Variants in PTPRB observed in about 807,000 individuals in gnomAD.
The protein encoded by PTPRB is receptor-type tyrosine-protein phosphatase beta.
Under a neutral mutation model 238.1 loss-of-function variants are expected in PTPRB, and 97 were observed. The ratio of observed to expected loss-of-function variants is 0.41; its 90% CI spans 0.35 to 0.48. The LOEUF is 0.48. PTPRB is among the 20% of genes least tolerant of loss of function. The probability of loss-of-function intolerance (pLI) is 0.30; values close to 1 mark genes in which losing one functional copy is unlikely to be tolerated. For synonymous variants in PTPRB, 970 were observed against 995.4 expected (o/e 0.97, Z 0.48); for missense variants, 2,292 against 2,681.9 (o/e 0.85, Z 3.21).
intron 10 of PTPRB, among the ~76,000 whole-genome samples, chr12:70,580,405 T>C (rs896382500): frequency 6.6e-6 from 1 of 152,246 alleles, no homozygotes; most frequent in Non-Finnish European, 1.5e-5. Context: ...GGGAGGTTTG[T>C]TTTGTTTTTT....
At position 70,541,837 on chromosome 12, in the gene PTPRB, T is replaced by TATCA. The variant is rs1256864705; in HGVS notation, c.5495-884_5495-881dup. 3 of 152,266 alleles carry TATCA rather than the reference T, an allele frequency of 2.0e-5. No individual in the cohort carries two copies. The East Asian group carries it at 5.8e-4, about 29-fold the overall frequency. 9.4% of individuals were successfully genotyped at this position (152,266 alleles called of 1,614,324 possible). On this transcript the variant is annotated intron_variant, in intron 22 of 33. Transcript: ENST00000334414. ...TGAATAATCGTCCATTGTATGGATA[T>TATCA]ATCACATTTTGTTTATCCATTGATG...
chr12:70,623,916 A>G (rs1161159292), intron 2 of PTPRB, among the ~76,000 whole-genome samples: 1 of 152,110 alleles, frequency 6.6e-6, no homozygotes, highest in African/African-American at 2.4e-5. Flanking sequence ...TTCGTATGAT[A>G]ATGGATGTAA....
chr12:70,591,539 T>C (rs1405175582), intron 7 of PTPRB, among the ~76,000 whole-genome samples: 1 of 152,240 alleles, frequency 6.6e-6, no homozygotes, highest in Non-Finnish European at 1.5e-5. Flanking sequence ...CAAATATCAA[T>C]ACAGTCACTA....
chr12:70,529,632 A>G (rs1872879299), intron 32 of PTPRB, among the ~76,000 whole-genome samples: 1 of 151,726 alleles, frequency 6.6e-6, no homozygotes, highest in East Asian at 1.9e-4. Context: ...GCTGAAGGAT[A>G]ATAATTAATA....
At chr12:70,614,631 T>A (rs1025867453) in intron 3 of PTPRB, among the ~76,000 whole-genome samples, 5 of 152,184 alleles carry the variant, frequency 3.3e-5, no homozygotes, top group Non-Finnish European at 7.3e-5. Context: ...TTAACACATG[T>A]TAGACATAAG....
rs2136186772 is a variant in PTPRB at position 70,519,561 on chromosome 12, T to A, written c.*1928A>T. On this transcript the variant is annotated 3_prime_UTR_variant, in exon 34 of 34. Transcript: ENST00000334414. Reference sequence around the variant, plus strand: ...GAATGAAAAGTCGAAAATGAATGTATCCTTCCAAGCATTAATGTGCTTTGC... The same window carrying A: ...GAATGAAAAGTCGAAAATGAATGTAACCTTCCAAGCATTAATGTGCTTTGC... 1 of 152,330 alleles carries A rather than the reference T, an allele frequency of 6.6e-6. No individual in the cohort carries two copies. The highest frequency in any genetic ancestry group is 6.5e-5 in the Admixed American group (1 of 15,298). The allele number at this position is 152,330 out of a possible 1,614,324, so 9.4% of individuals were successfully genotyped here. A position where few individuals can be genotyped will look rare whatever the true frequency, so the allele number is the denominator to read the frequency against.
chr12:70,564,851 A>C (rs1879045467), intron 15 of PTPRB, among the ~76,000 whole-genome samples: 1 of 48,710 alleles, frequency 2.1e-5, no homozygotes, highest in Non-Finnish European at 3.5e-5. Context: ...ATAAATAATA[A>C]TAATAATAAT....
At position 70,587,020 on chromosome 12, in the gene PTPRB, T is replaced by C. The variant is rs1210884904; in HGVS notation, c.2298A>G (p.Val766=). The change falls in exon 9 of 34, where the codon GTA becomes GTG. Residue 766 remains valine, a synonymous_variant. Transcript: ENST00000334414. Reference sequence around the variant, plus strand: ...AAAGGTTACTACCTGTTCTTCCTTTTACTGAAGAGGAATTTTTTAAGTCTC... The same window carrying C: ...AAAGGTTACTACCTGTTCTTCCTTTCACTGAAGAGGAATTTTTTAAGTCTC... ...ISGDLKNSSS[V]KGRTVPAQVT... The C allele has an allele frequency of 2.5e-6, 4 of 1,613,314 alleles. No individual in the cohort carries two copies. Among genetic ancestry groups the C allele is most frequent in the Non-Finnish European group, 3.4e-6 (4 of 1,179,488 alleles).
chr12:70,616,534 G>A (rs1238526540), intron 3 of PTPRB, among the ~76,000 whole-genome samples: 1 of 152,172 alleles, frequency 6.6e-6, no homozygotes, highest in Non-Finnish European at 1.5e-5. Flanking sequence ...TAGGTGCTGA[G>A]GTCCTACCTC....
rs945661205 is a variant in PTPRB at position 70,534,604 on chromosome 12, C to G, written c.6252G>C (p.Thr2084=). The part of the protein sequence containing the change: ...AHRLIRHFHY[T]VWPDHGVPET... ...CTGGGACTCCATGGTCTGGCCACACCGTATAGTGAAAGTGGCGGATGAGTC... is the reference window on the plus strand; with the variant it reads ...CTGGGACTCCATGGTCTGGCCACACGGTATAGTGAAAGTGGCGGATGAGTC... The change falls in exon 31 of 34, where the codon ACG becomes ACC. Residue 2084 remains threonine (T), a synonymous_variant. Coordinates refer to ENST00000334414, the MANE Select transcript of PTPRB (RefSeq NM_001109754.4). 1 of 1,613,002 alleles carries G rather than the reference C, an allele frequency of 6.2e-7. No individual in the cohort carries two copies. Among genetic ancestry groups the G allele is most frequent in the Non-Finnish European group, 8.5e-7 (1 of 1,179,542 alleles).
chr12:70,590,275 A>C (rs1882351016), intron 7 of PTPRB, 42 bp from the exon 8 acceptor site: 1 of 1,497,332 alleles, frequency 6.7e-7, no homozygotes, highest in South Asian at 1.4e-5. Flanking sequence ...ATTACAGACC[A>C]AAAGTAAGGA....
At chr12:70,594,966 T>TA (rs1240620978) in intron 5 of PTPRB, among the ~76,000 whole-genome samples, 3 of 152,108 alleles carry the variant, frequency 2.0e-5, no homozygotes, top group Non-Finnish European at 4.4e-5. Context: ...TAATAGGTAT[T>TA]AAGGTGGCTT....
At chr12:70,605,718 G>T (rs1169619085) in intron 4 of PTPRB, among the ~76,000 whole-genome samples, 3 of 152,068 alleles carry the variant, frequency 2.0e-5, no homozygotes, top group Non-Finnish European at 4.4e-5. Context: ...CATACATTTG[G>T]GTTTTAATGT....
intron 22 of PTPRB, chr12:70,542,918 A>G (rs1171604233): frequency 6.6e-6 from 1 of 150,944 alleles, no homozygotes; most frequent in East Asian, 1.9e-4. Context: ...AAAAAAATAT[A>G]TATATTACAC....
At chr12:70,553,449 C>G (rs1877204848) in intron 20 of PTPRB, among the ~76,000 whole-genome samples, 1 of 152,172 alleles carries the variant, frequency 6.6e-6, no homozygotes, top group Admixed American at 6.5e-5. Context: ...GAAATCATGT[C>G]CTAGGCCAGA....
chr12:70,528,967 G>C (rs1014231413), intron 32 of PTPRB, among the ~76,000 whole-genome samples: 10 of 151,886 alleles, frequency 6.6e-5, no homozygotes, highest in African/African-American at 2.4e-4. Flanking sequence ...TAAGGCTTTT[G>C]GGGGGATCCA....
At chr12:70,554,389 T>C (rs1209115241) in intron 20 of PTPRB, among the ~76,000 whole-genome samples, 1 of 152,214 alleles carries the variant, frequency 6.6e-6, no homozygotes, top group African/African-American at 2.4e-5. Flanking sequence ...GCATCTCTTT[T>C]GGAGAAATAA....
At chr12:70,618,476 C>T (rs1411134981) in intron 3 of PTPRB, among the ~76,000 whole-genome samples, 6 of 152,184 alleles carry the variant, frequency 3.9e-5, no homozygotes, top group Admixed American at 2.0e-4. Flanking sequence ...AGAGTGAGTA[C>T]CCATAACTAT....
intron 4 of PTPRB, among the ~76,000 whole-genome samples, chr12:70,596,714 C>A (rs551921786): frequency 2.0e-5 from 3 of 152,230 alleles, no homozygotes; most frequent in Non-Finnish European, 4.4e-5. Flanking sequence ...AAGATCTCAA[C>A]AGAAAATCTA....
Sources: gnomAD v4.1 joint callset for allele counts (sites outside exome capture counted in the v4.1 genomes callset) on GRCh38, gnomAD v4.1.1 for gene constraint, MANE v1.5 for transcripts, NCBI Gene and HGNC (gene_info 2026-07-23, HGNC 2026-07-21) for gene names.